The following ASIC2 variants were observed in gnomAD, a reference collection of about 807,000 sequenced individuals.
ASIC2 encodes the protein acid-sensing ion channel 2.
Under a neutral mutation model 57.3 loss-of-function variants are expected in ASIC2, and 25 were observed. The ratio of observed to expected loss-of-function variants is 0.44; its 90% CI spans 0.32 to 0.61. The LOEUF is 0.61. Ranked by LOEUF, ASIC2 falls within the 20% of genes least tolerant of loss-of-function variation. ASIC2 has a pLI of 0.06. For synonymous variants in ASIC2, 319 were observed against 307.5 expected (o/e 1.04, Z -0.39); for missense variants, 641 against 738.1 (o/e 0.87, Z 1.52).
At chr17:33,228,568 G>T (rs1907972526) in intron 1 of ASIC2, among the ~76,000 whole-genome samples, 1 of 152,244 alleles carries the variant, frequency 6.6e-6, no homozygotes. Flanking sequence ...ACTCATGAGT[G>T]TGTAGCACCC....
intron 1 of ASIC2, among the ~76,000 whole-genome samples, chr17:33,234,230 A>G (rs1318876630): frequency 6.6e-6 from 1 of 152,248 alleles, no homozygotes; most frequent in Non-Finnish European, 1.5e-5. Context: ...TACACCATCC[A>G]TCTTTTATGA....
At chr17:33,953,824 G>A (rs894369417) in intron 1 of ASIC2, among the ~76,000 whole-genome samples, 9 of 152,084 alleles carry the variant, frequency 5.9e-5, no homozygotes, top group Admixed American at 1.3e-4. Flanking sequence ...CATGTTGGTT[G>A]GGGTAAATAA....
intron 1 of ASIC2, among the ~76,000 whole-genome samples, chr17:33,875,189 A>G (rs144041627): frequency 6.6e-6 from 1 of 152,368 alleles, no homozygotes; most frequent in Non-Finnish European, 1.5e-5. Flanking sequence ...TAACAGTACC[A>G]GTCCATAGTA....
intron 1 of ASIC2, among the ~76,000 whole-genome samples, chr17:33,659,521 GT>G (rs1907182648): frequency 6.6e-6 from 1 of 152,174 alleles, no homozygotes; most frequent in African/African-American, 2.4e-5. Flanking sequence ...AATGGTAAGG[GT>G]TTGTGTATCT....
intron 1 of ASIC2, among the ~76,000 whole-genome samples, chr17:33,657,978 C>T (rs1470287415): frequency 6.6e-6 from 1 of 152,172 alleles, no homozygotes; most frequent in East Asian, 1.9e-4. Context: ...GCTCCTACTA[C>T]TTGGGACACA....
intron 1 of ASIC2, among the ~76,000 whole-genome samples, chr17:33,364,381 T>C (rs1456435919): frequency 2.0e-5 from 3 of 152,164 alleles, no homozygotes; most frequent in African/African-American, 7.2e-5. Flanking sequence ...ACAAACCAAC[T>C]TCTGACTCCA....
At chr17:33,186,968 C>T (rs117897149) in intron 1 of ASIC2, among the ~76,000 whole-genome samples, 9 of 152,130 alleles carry the variant, frequency 5.9e-5, no homozygotes, top group South Asian at 2.1e-4. Flanking sequence ...ATACAACAAC[C>T]GGTGATGACC....
intron 1 of ASIC2, among the ~76,000 whole-genome samples, chr17:33,263,018 G>A (rs542193955): frequency 2.6e-5 from 4 of 152,290 alleles, no homozygotes; most frequent in African/African-American, 7.2e-5. Flanking sequence ...TGTTTGCTCC[G>A]TAAATGAGCT....
chr17:33,092,999 A>G (rs1210315324), intron 2 of ASIC2, among the ~76,000 whole-genome samples: 1 of 152,168 alleles, frequency 6.6e-6, no homozygotes, highest in African/African-American at 2.4e-5. Context: ...CCAGCACCGC[A>G]TAATTCAGGA....
intron 1 of ASIC2, among the ~76,000 whole-genome samples, chr17:33,736,031 T>C (rs962588544): frequency 6.6e-6 from 1 of 152,062 alleles, no homozygotes; most frequent in Admixed American, 6.5e-5. Context: ...CACTTTGAAG[T>C]GTGTTGTCCA....
intron 1 of ASIC2, among the ~76,000 whole-genome samples, chr17:33,804,414 C>G (rs1022325196): frequency 6.6e-6 from 1 of 152,124 alleles, no homozygotes; most frequent in Non-Finnish European, 1.5e-5. Context: ...GGGGACTCAC[C>G]AAGAAGCCTC....
At chr17:33,669,438 A>G (rs1296931459) in intron 1 of ASIC2, among the ~76,000 whole-genome samples, 1 of 152,222 alleles carries the variant, frequency 6.6e-6, no homozygotes, top group Non-Finnish European at 1.5e-5. Context: ...CTAACTAGGT[A>G]TGTAGGTAAG....
intron 1 of ASIC2, among the ~76,000 whole-genome samples, chr17:33,775,495 T>C (rs112289205): frequency 0.034 from 5,185 of 152,272 alleles, 304 homozygotes; most frequent in African/African-American, 0.12. Context: ...AGGAGATCTG[T>C]AGGTGCGAAA....
chr17:33,912,778 G>C (rs989172349), intron 1 of ASIC2, among the ~76,000 whole-genome samples: 1 of 151,940 alleles, frequency 6.6e-6, no homozygotes, highest in Non-Finnish European at 1.5e-5. Flanking sequence ...TTGGGAGTTC[G>C]AGACCAGCCT....
intron 6 of ASIC2, among the ~76,000 whole-genome samples, chr17:33,023,115 G>T (rs1076198): frequency 0.15 from 22,251 of 152,064 alleles, 1,704 homozygotes; most frequent in South Asian, 0.18. Context: ...AACCAGTTAG[G>T]TGGAGGCTGG....
At chr17:33,992,040 T>C (rs915326097) in intron 1 of ASIC2, among the ~76,000 whole-genome samples, 1 of 152,176 alleles carries the variant, frequency 6.6e-6, no homozygotes, top group African/African-American at 2.4e-5. Context: ...AGGCTTCTCA[T>C]GCCAGCTTCA....
chr17:34,031,138 T>C (rs9915549), intron 1 of ASIC2, among the ~76,000 whole-genome samples: 54,325 of 151,968 alleles, frequency 0.36, 11,597 homozygotes, highest in African/African-American at 0.6. Flanking sequence ...ACAATTCACA[T>C]GGCCGGGTAC....
At chr17:33,019,514 A>G (rs1162118401) in intron 7 of ASIC2, among the ~76,000 whole-genome samples, 1 of 151,918 alleles carries the variant, frequency 6.6e-6, no homozygotes, top group Non-Finnish European at 1.5e-5. Flanking sequence ...ATGTGCGTGC[A>G]GACTGGGGTG....
intron 1 of ASIC2, among the ~76,000 whole-genome samples, chr17:33,318,261 G>A (rs994966602): frequency 4.6e-5 from 7 of 151,656 alleles, no homozygotes; most frequent in African/African-American, 9.7e-5. Flanking sequence ...TTCTTCTCTC[G>A]TCTTTAACAA....
Sources: gnomAD v4.1 joint callset for allele counts (sites outside exome capture counted in the v4.1 genomes callset) on GRCh38, gnomAD v4.1.1 for gene constraint, MANE v1.5 for transcripts, NCBI Gene and HGNC (gene_info 2026-07-23, HGNC 2026-07-21) for gene names.